Variants in SYNE1 observed in about 807,000 individuals in gnomAD.
SYNE1 encodes spectrin repeat containing nuclear envelope protein 1, also known as nesprin-1.
SYNE1 carries 616 observed loss-of-function variants against 1,111.0 expected under a neutral mutation model. The ratio of observed to expected loss-of-function variants is 0.55; its 90% CI spans 0.52 to 0.59. The LOEUF is 0.59. SYNE1 is among the 20% of genes least tolerant of loss of function. The pLI, the probability that SYNE1 is intolerant of heterozygous loss-of-function variation, is 0.00. For missense variants in SYNE1, 10,006 were observed against 10,417.0 expected (o/e 0.96, Z 1.72); for synonymous variants, 3,855 against 3,825.8 (o/e 1.01, Z -0.28).
At chr6:152,536,197 C>G (rs1487400210) in intron 4 of SYNE1, among the ~76,000 whole-genome samples, 1 of 150,968 alleles carries the variant, frequency 6.6e-6, no homozygotes, top group Non-Finnish European at 1.5e-5. Context: ...GAATCCCATT[C>G]ATTGCCTTCT....
At position 152,241,455 on chromosome 6, in the gene SYNE1, G is replaced by C. The variant is rs144477431; in HGVS notation, c.19893+785C>G. On this transcript the variant is annotated intron_variant, in intron 107 of 145. Transcript: ENST00000367255. ...CCATAGTCTAGAAGGCTGGGTTTCT[G>C]GACTGGCAAAATTGCTTTCGTAATC... is the stretch of plus-strand genomic sequence containing the variant. 7.9e-3 allele frequency among the ~76,000 whole-genome samples: 1,186 copies of C among 150,428 alleles called. 9 individuals are homozygous for C. The highest frequency in any genetic ancestry group is 9.4e-3 in the Non-Finnish European group (633 of 67,640).
intron 86 of SYNE1, among the ~76,000 whole-genome samples, chr6:152,317,227 CTTTTTTCTTTTTTTT>C (rs1470726056): frequency 1.4e-5 from 2 of 139,982 alleles, no homozygotes; most frequent in Non-Finnish European, 3.0e-5. Context: ...TTTCTTTTTT[CTTTTTTCTTTTTTTT>C]TTTTTTCCAA....
At position 152,447,543 on chromosome 6, in the gene SYNE1, G is replaced by A; in HGVS notation, c.3584C>T (p.Ser1195Phe). 6.2e-7 allele frequency: 1 copy of A among 1,614,202 alleles called. No homozygotes were observed. The highest frequency in any genetic ancestry group is 8.5e-7 in the Non-Finnish European group (1 of 1,180,036). The change falls in exon 29 of 146, where the codon TCT becomes TTT. Residue 1195 changes from serine to phenylalanine, a missense_variant. By Grantham distance (155) the Ser-to-Phe change is radical. Transcript: ENST00000367255. ...KSRLKVLTEV[S>F]SENEAQKQGD... Reference sequence around the variant, plus strand: ...CTGCTTTTGGGCTTCATTCTCAGAAGAAACTTCTGTCAAAACTTTCAGCCT... The same window carrying A: ...CTGCTTTTGGGCTTCATTCTCAGAAAAAACTTCTGTCAAAACTTTCAGCCT...
rs746786114 is a variant in SYNE1 at position 152,325,067 on chromosome 6, T to C, written c.15657+17A>G. 4 of 1,612,822 alleles carry C rather than the reference T, an allele frequency of 2.5e-6. No homozygotes were observed. The highest frequency in any genetic ancestry group is 2.2e-5 in the East Asian group (1 of 44,890). The stretch of plus-strand genomic sequence containing the variant: ...TAGTGAGGAAAGAAAGGTGAGCCCA[T>C]GGACAGTGGAAACTACCTTGTTGTT... On this transcript the variant is annotated intron_variant, in intron 81 of 145. Transcript: ENST00000367255.
At chr6:152,180,978 T>C (rs2067870576) in intron 128 of SYNE1, among the ~76,000 whole-genome samples, 1 of 151,616 alleles carries the variant, frequency 6.6e-6, no homozygotes, top group Non-Finnish European at 1.5e-5. Context: ...ATTTCACATA[T>C]GATACAATCA....
At position 152,358,365 on chromosome 6, in the gene SYNE1, G is replaced by A. The variant is rs1198427975; in HGVS notation, c.10608+8C>T. 1.2e-6 allele frequency: 2 copies of A among 1,614,110 alleles called. No individual in the cohort carries two copies. The highest frequency in any genetic ancestry group is 2.2e-5 in the East Asian group (1 of 44,876). Reference sequence around the variant, plus strand: ...GATTCCTTTGTTTTAGGATAAAGGAGGCCTTACCTGAAGATCACGCAATGT... The same window carrying A: ...GATTCCTTTGTTTTAGGATAAAGGAAGCCTTACCTGAAGATCACGCAATGT... On this transcript the variant is annotated splice_region_variant and intron_variant, in intron 66 of 145. Coordinates refer to ENST00000367255, the MANE Select transcript of SYNE1 (RefSeq NM_182961.4).
At chr6:152,595,681 C>T (rs967335546) in intron 3 of SYNE1, among the ~76,000 whole-genome samples, 1 of 152,106 alleles carries the variant, frequency 6.6e-6, no homozygotes, top group Admixed American at 6.5e-5. Flanking sequence ...AATCTGTTAA[C>T]AGAGCTGTTG....
At position 152,387,355 on chromosome 6, in the gene SYNE1, C is replaced by A. The variant is rs779787540; in HGVS notation, c.8204G>T (p.Trp2735Leu). 1.9e-6 allele frequency: 3 copies of A among 1,614,126 alleles called. No individual in the cohort carries two copies. The highest frequency in any genetic ancestry group is 2.5e-6 in the Non-Finnish European group (3 of 1,179,980). ...GTTTTTCCTCTCTACATAGTCATTC[C>A]ATTGGCTAATCACAGACTCTAAAGT... is the stretch of plus-strand genomic sequence containing the variant. Reference protein sequence around the residue: ...QSTLESVISQWNDYVERKNQL... With the variant: ...QSTLESVISQLNDYVERKNQL... The change falls in exon 54 of 146, where the codon TGG becomes TTG. Residue 2735 changes from tryptophan to leucine, a missense_variant. By Grantham distance (61) the Trp-to-Leu change is moderately conservative. This residue lies in a region of SYNE1 where 4,955 missense variants were observed against 5,017.2 expected (regional missense o/e 0.99). Coordinates refer to ENST00000367255, the MANE Select transcript of SYNE1 (RefSeq NM_182961.4).
rs1268209129 is a variant in SYNE1, at chr6:152,213,844, CTG to C, written c.22347-87_22347-86del. The C allele has an allele frequency of 1.9e-6, 3 of 1,569,340 alleles. No homozygotes were observed. The Admixed American group carries it at 5.1e-5, about 27-fold the overall frequency. Reference sequence around the variant, plus strand: ...CATATAAAACTAGATTAAATAATCTCTGTGCTCAATTCTAATTGAACCACCAC... The same window carrying C: ...CATATAAAACTAGATTAAATAATCTCTGCTCAATTCTAATTGAACCACCAC... On this transcript the variant is annotated intron_variant, in intron 122 of 145. Transcript: ENST00000367255.
chr6:152,412,017 T>G (rs1319112164), intron 42 of SYNE1, among the ~76,000 whole-genome samples: 1 of 152,236 alleles, frequency 6.6e-6, no homozygotes, highest in Non-Finnish European at 1.5e-5. Context: ...ATGTGAATGT[T>G]TATAAATACT....
chr6:152,572,500 C>T lies in SYNE1; in HGVS notation c.68-32479G>A, dbSNP rs2099467406. Among the ~76,000 whole-genome samples, 3 of 152,080 alleles carry T rather than the reference C, an allele frequency of 2.0e-5. No individual in the cohort carries two copies. The South Asian group carries it at 6.2e-4, about 32-fold the overall frequency. On this transcript the variant is annotated intron_variant, in intron 3 of 145. Coordinates refer to ENST00000367255, the MANE Select transcript of SYNE1 (RefSeq NM_182961.4). Reference sequence around the variant, plus strand: ...CCAATAAACAGAATAAGGGGACTCCCAGAATAATAGATTTCTAGAATAAGA... The same window carrying T: ...CCAATAAACAGAATAAGGGGACTCCTAGAATAATAGATTTCTAGAATAAGA...
At position 152,387,352 on chromosome 6, in the gene SYNE1, T is replaced by G. The variant is rs1342982753; in HGVS notation, c.8207A>C (p.Asn2736Thr). 2 of 1,614,178 alleles carry G rather than the reference T, an allele frequency of 1.2e-6. No homozygotes were observed. The highest frequency in any genetic ancestry group is 1.7e-6 in the Non-Finnish European group (2 of 1,179,986). ...STLESVISQWNDYVERKNQLE... is the reference protein window; with the variant it reads ...STLESVISQWTDYVERKNQLE... ...CTGGTTTTTCCTCTCTACATAGTCA[T>G]TCCATTGGCTAATCACAGACTCTAA... is the stretch of plus-strand genomic sequence containing the variant. The change falls in exon 54 of 146, where the codon AAT (asparagine) becomes ACT (threonine). Residue 2736 changes from asparagine (N) to threonine (T), a missense_variant. Asn to Thr is a moderately conservative substitution (Grantham distance 65). This residue lies in a region of SYNE1 where 4,955 missense variants were observed against 5,017.2 expected (regional missense o/e 0.99). Coordinates refer to ENST00000367255, the MANE Select transcript of SYNE1 (RefSeq NM_182961.4).
In SYNE1 at chr6:152,300,637, G is replaced by A. The variant is rs911300165; in HGVS notation, c.17682+4C>T. ...TTGCTAGAGGAATGCCAACTGGGAGGTACCTGGTTAACAGAAGCATCTGTA... is the reference window on the plus strand; with the variant it reads ...TTGCTAGAGGAATGCCAACTGGGAGATACCTGGTTAACAGAAGCATCTGTA... On this transcript the variant is annotated splice_donor_region_variant and intron_variant, in intron 93 of 145. Transcript: ENST00000367255. 7.4e-6 allele frequency: 12 copies of A among 1,614,054 alleles called. No homozygotes were observed.
chr6:152,194,066 CTA>C (rs1052320225), intron 127 of SYNE1, among the ~76,000 whole-genome samples: 2 of 150,714 alleles, frequency 1.3e-5, no homozygotes, highest in Non-Finnish European at 3.0e-5. Flanking sequence ...TTATAATATT[CTA>C]TGTTTTTCTG....
chr6:152,407,029 C>T lies in SYNE1; in HGVS notation c.6708G>A (p.Leu2236=), dbSNP rs747531433. The change falls in exon 45 of 146, where the codon CTG becomes CTA. Residue 2236 remains leucine, a synonymous_variant. Transcript: ENST00000367255. Reference sequence around the variant, plus strand: ...GTCAATTTACCTCAAATTCTTTAAGCAGTTCTTCAGCTCTGAGGTGGTTAT... The same window carrying T: ...GTCAATTTACCTCAAATTCTTTAAGTAGTTCTTCAGCTCTGAGGTGGTTAT... ...NLDNHLRAEE[L]LKEFESEVKN... 6.2e-7 allele frequency: 1 copy of T among 1,613,210 alleles called. No individual in the cohort carries two copies. Among genetic ancestry groups the T allele is most frequent in the South Asian group, 1.1e-5 (1 of 91,038 alleles).
intron 132 of SYNE1, chr6:152,155,533 C>T (rs976866229): frequency 8.8e-5 from 30 of 340,116 alleles, no homozygotes; most frequent in Non-Finnish European, 1.4e-4. Context: ...TAACACAGCA[C>T]GATTTTCTGC....
rs111833075 is a variant in SYNE1 at position 152,390,687 on chromosome 6, T to A, written c.8005-235A>T. Among the ~76,000 whole-genome samples, 1,211 of 152,302 alleles carry A rather than the reference T, an allele frequency of 8.0e-3. 18 individuals carry two copies. The highest frequency in any genetic ancestry group is 0.026 in the African/African-American group (1,065 of 41,570). On this transcript the variant is annotated intron_variant, in intron 52 of 145. Coordinates refer to ENST00000367255, the MANE Select transcript of SYNE1 (RefSeq NM_182961.4). ...TCTTAGAAAACTAGGACCACTAGCC[T>A]AGAAAGTATAATTTTATTGACTTCA...
chr6:152,469,362 GA>G (rs1203746189), intron 16 of SYNE1, among the ~76,000 whole-genome samples: 1 of 151,738 alleles, frequency 6.6e-6, no homozygotes, highest in Non-Finnish European at 1.5e-5. Context: ...AAACACTGGG[GA>G]AAGACTAAGC....
intron 97 of SYNE1, among the ~76,000 whole-genome samples, chr6:152,279,507 G>C (rs998325774): frequency 9.2e-5 from 14 of 151,766 alleles, no homozygotes; most frequent in African/African-American, 3.4e-4. Context: ...CTTGAGCTCA[G>C]GAGTTTGAGA....
Sources: gnomAD v4.1 joint callset for allele counts (sites outside exome capture counted in the v4.1 genomes callset) on GRCh38, gnomAD v4.1.1 for gene constraint, gnomAD v4.1.1 regional missense constraint, MANE v1.5 for transcripts, NCBI Gene and HGNC (gene_info 2026-07-23, HGNC 2026-07-21) for gene names.